The following KCTD1 variants were observed in gnomAD, a reference collection of about 807,000 sequenced individuals.
KCTD1 encodes potassium channel tetramerization domain containing 1, also known as BTB/POZ domain-containing protein KCTD1.
In KCTD1, 24 loss-of-function variants were observed where a neutral mutation model predicts 66.0. The ratio of observed to expected loss-of-function variants is 0.36; its 90% CI spans 0.26 to 0.51. KCTD1 has a LOEUF of 0.51. Ranked by LOEUF, KCTD1 falls within the 20% of genes least tolerant of loss-of-function variation. KCTD1 has a pLI of 0.95. For missense variants in KCTD1, 943 were observed against 1,205.2 expected (o/e 0.78, Z 3.22); for synonymous variants, 511 against 517.2 (o/e 0.99, Z 0.16).
Position 26,547,899 on chromosome 18 carries a change from G to A in KCTD1, c.638C>T (p.Ala213Val), listed in dbSNP as rs1043976854. Residue 213 changes from alanine to valine, a missense_variant, in exon 1 of 5, where the codon GCC becomes GTC. Transcript: ENST00000580059. ...CTGGCCGCTTTTGGAGCGGGCCTCG[G>A]CATAGAAGGAGCGCAGCACGCGGCA... The part of the protein sequence containing the change: ...ALCRVLRSFY[A>V]EARSKSGQLY... 12 of 1,543,660 alleles carry A rather than the reference G, an allele frequency of 7.8e-6. No individual in the cohort carries two copies. The highest frequency in any genetic ancestry group is 1.0e-5 in the Non-Finnish European group (12 of 1,146,848).
chr18:26,542,040 C>G lies in KCTD1; in HGVS notation c.1809+4688G>C, dbSNP rs185452609. On this transcript the variant is annotated intron_variant, in intron 1 of 4. Transcript: ENST00000580059. The stretch of plus-strand genomic sequence containing the variant: ...TTTCAGCTTTAAGGGCATAAATCCA[C>G]TAATTGCCCAGCCTCTATGAATCCC... Among the ~76,000 whole-genome samples, 200 of 152,298 alleles carry G rather than the reference C, an allele frequency of 1.3e-3. 4 individuals are homozygous for G. The highest frequency in any genetic ancestry group is 4.7e-3 in the African/African-American group (195 of 41,562).
intron 1 of KCTD1, among the ~76,000 whole-genome samples, chr18:26,568,935 G>A (rs970512984): frequency 6.6e-6 from 1 of 151,930 alleles, no homozygotes; most frequent in Admixed American, 6.6e-5. Context: ...TTTGGTTTGG[G>A]CATAACAATT....
chr18:26,579,116 G>C (rs1277227842), intron 1 of KCTD1, among the ~76,000 whole-genome samples: 1 of 152,026 alleles, frequency 6.6e-6, no homozygotes, highest in African/African-American at 2.4e-5. Context: ...GAAATGTACA[G>C]ACTGCAAACT....
chr18:26,643,068 G>T (rs1987861886), upstream of KCTD1, among the ~76,000 whole-genome samples: 1 of 152,126 alleles, frequency 6.6e-6, no homozygotes, highest in African/African-American at 2.4e-5. Context: ...TTAAACAACA[G>T]AAATTTATTT....
rs753106622 is a variant in KCTD1, at chr18:26,548,403, T to TGGCGGC, written c.128_133dup (p.Arg43_Arg44dup). Reference sequence around the variant, plus strand: ...CGCGCTGCAGTAGTGCGGACGGCTGTGGCGGCGGCCGCGGCCCCCCGCGCC... The same window carrying TGGCGGC: ...CGCGCTGCAGTAGTGCGGACGGCTGTGGCGGCGGCGGCGGCCGCGGCCCCCCGCGCC... On this transcript the variant is annotated inframe_insertion, in exon 1 of 5. Coordinates refer to ENST00000580059, the MANE Select transcript of KCTD1 (RefSeq NM_001142730.3). The TGGCGGC allele has an allele frequency of 7.0e-7, 1 of 1,434,270 alleles. No homozygotes were observed. Among genetic ancestry groups the TGGCGGC allele is most frequent in the Non-Finnish European group, 9.2e-7 (1 of 1,091,812 alleles). The allele number at this position is 1,434,270 out of a possible 1,614,324, so 88.8% of individuals were successfully genotyped here.
At chr18:26,593,365 AGGAGGAGGAAGAGG>A (rs1986662629) in intron 1 of KCTD1, among the ~76,000 whole-genome samples, 1 of 103,498 alleles carries the variant, frequency 9.7e-6, no homozygotes, top group African/African-American at 4.2e-5. Flanking sequence ...GAGGAAGAGG[AGGAGGAGGAAGAGG>A]AGGAGGAAGA....
At chr18:26,527,373 CT>C (rs1449803194) in intron 1 of KCTD1, among the ~76,000 whole-genome samples, 1 of 150,926 alleles carries the variant, frequency 6.6e-6, no homozygotes, top group African/African-American at 2.4e-5. Flanking sequence ...CTGAATTTTT[CT>C]TTTGTGTACT....
chr18:26,466,516 C>T (rs143566674), intron 3 of KCTD1, among the ~76,000 whole-genome samples: 10 of 152,214 alleles, frequency 6.6e-5, no homozygotes, highest in Non-Finnish European at 1.3e-4. Flanking sequence ...GTTGTTGCAA[C>T]CGGGAAGGGG....
intron 1 of KCTD1, among the ~76,000 whole-genome samples, chr18:26,609,311 G>T (rs1038646367): frequency 3.9e-5 from 6 of 152,188 alleles, no homozygotes; most frequent in African/African-American, 1.4e-4. Flanking sequence ...TGGCATAAAT[G>T]CATCATGGCC....
At chr18:26,601,232 C>T (rs547430694) in intron 1 of KCTD1, among the ~76,000 whole-genome samples, 1 of 141,612 alleles carries the variant, frequency 7.1e-6, no homozygotes, top group Non-Finnish European at 1.5e-5. Flanking sequence ...CCCGTACGGA[C>T]TTGGGGTCTA....
At chr18:26,640,860 T>C (rs749198792), upstream of KCTD1, among the ~76,000 whole-genome samples, 2 of 151,738 alleles carry the variant, frequency 1.3e-5, no homozygotes, top group Admixed American at 6.6e-5. Flanking sequence ...GTGGTCAAAA[T>C]AGAAAGAGGA....
Position 26,547,954 on chromosome 18 carries a change from C to G in KCTD1, c.583G>C (p.Asp195His). 6.5e-7 allele frequency: 1 copy of G among 1,542,498 alleles called. No homozygotes were observed. Among genetic ancestry groups the G allele is most frequent in the South Asian group, 1.2e-5 (1 of 84,050 alleles). Residue 195 changes from aspartate to histidine, a missense_variant, in exon 1 of 5, where the codon GAC becomes CAC. Around this residue, in one of 10 missense-constraint regions of KCTD1, gnomAD observed 96 missense variants for 132.5 expected, o/e 0.72. Coordinates refer to ENST00000580059, the MANE Select transcript of KCTD1 (RefSeq NM_001142730.3). ...GCCCCCTTGTCCATGGTCTCGAAGTCCGGGCTCTGCGCCTTCTCGCTCAGG... is the reference window on the plus strand; with the variant it reads ...GCCCCCTTGTCCATGGTCTCGAAGTGCGGGCTCTGCGCCTTCTCGCTCAGG... ...EYLSEKAQSP[D>H]FETMDKGALC...
chr18:26,501,911 T>G (rs1982780362), intron 1 of KCTD1, among the ~76,000 whole-genome samples: 1 of 152,214 alleles, frequency 6.6e-6, no homozygotes, highest in African/African-American at 2.4e-5. Flanking sequence ...ATGCCTGACT[T>G]CTTGAAGAAA....
At position 26,523,612 on chromosome 18, in the gene KCTD1, C is replaced by T. The variant is rs2078295; in HGVS notation, c.1810-22362G>A. Among the ~76,000 whole-genome samples the T allele has an allele frequency of 4.0e-4, 41 of 102,082 alleles. 1 individual carries two copies. The highest frequency in any genetic ancestry group is 1.5e-3 in the African/African-American group (40 of 26,126). The allele number at this position is 102,082 out of a possible 152,430, so 67.0% of individuals were successfully genotyped here. A position where few individuals can be genotyped will look rare whatever the true frequency, so the allele number is the denominator to read the frequency against. On this transcript the variant is annotated intron_variant, in intron 1 of 4. Coordinates refer to ENST00000580059, the MANE Select transcript of KCTD1 (RefSeq NM_001142730.3). Reference sequence around the variant, plus strand: ...GCCAGCTGGGACAACACAGCGAGATCCTCTCTCAAACAAATAAATAATAAA... The same window carrying T: ...GCCAGCTGGGACAACACAGCGAGATTCTCTCTCAAACAAATAAATAATAAA...
chr18:26,549,156 G>C, upstream of KCTD1: 1 of 985,112 alleles, frequency 1.0e-6, no homozygotes, highest in African/African-American at 1.7e-5. Context: ...GCGAGGCCCC[G>C]CACCCTCTCG....
At chr18:26,500,952 A>C (rs979036656) in intron 2 of KCTD1, 120 bp downstream of exon 2, 17 of 1,100,502 alleles carry the variant, frequency 1.5e-5, no homozygotes, top group Non-Finnish European at 2.2e-5. Context: ...GGTGGCTCAC[A>C]CAGCACTTTC....
intron 1 of KCTD1, among the ~76,000 whole-genome samples, chr18:26,504,753 C>G (rs1244454210): frequency 6.6e-6 from 1 of 152,202 alleles, no homozygotes; most frequent in Non-Finnish European, 1.5e-5. Context: ...GTATTAGACA[C>G]TGAAGTTGAT....
upstream of KCTD1, among the ~76,000 whole-genome samples, chr18:26,632,294 G>A (rs1351482935): frequency 6.6e-6 from 1 of 151,758 alleles, no homozygotes; most frequent in South Asian, 2.1e-4. Context: ...GATGAGGCAG[G>A]AGAATTGCTT....
intron 1 of KCTD1, among the ~76,000 whole-genome samples, chr18:26,538,756 C>T (rs566422787): frequency 7.2e-5 from 11 of 152,294 alleles, no homozygotes; most frequent in East Asian, 1.9e-4. Context: ...TATCATCATT[C>T]CCGTTTGACT....
Sources: allele counts gnomAD v4.1 joint callset (sites outside exome capture counted in the v4.1 genomes callset), GRCh38; gene constraint gnomAD v4.1.1; regional missense constraint gnomAD v4.1.1; transcripts MANE v1.5; gene names NCBI Gene and HGNC (gene_info 2026-07-23, HGNC 2026-07-21).